The following FNDC3B variants were observed in gnomAD, a reference collection of about 807,000 sequenced individuals.
FNDC3B encodes the protein fibronectin type III domain containing 3B.
Under a neutral mutation model 151.5 loss-of-function variants are expected in FNDC3B, and 12 were observed. That is an observed-to-expected ratio of 0.08 (90% confidence interval 0.05 to 0.13). The LOEUF is 0.13. Among genes scored for constraint, FNDC3B ranks in the 10% least tolerant of loss-of-function variants. The pLI, the probability that FNDC3B is intolerant of heterozygous loss-of-function variation, is 1.00. For missense variants in FNDC3B, 1,214 were observed against 1,505.3 expected (o/e 0.81, Z 3.20); for synonymous variants, 528 against 549.0 (o/e 0.96, Z 0.54).
chr3:172,042,418 G>C (rs1499812), intron 1 of FNDC3B, among the ~76,000 whole-genome samples: 103,229 of 152,002 alleles, frequency 0.68, 35,221 homozygotes, highest in East Asian at 0.82. Context: ...TAGGAGCTAA[G>C]TAGAAGAACT....
intron 6 of FNDC3B, among the ~76,000 whole-genome samples, chr3:172,267,391 A>C (rs544273308): frequency 6.6e-5 from 10 of 152,252 alleles, no homozygotes; most frequent in African/African-American, 2.4e-4. Context: ...CCTGAGCTCA[A>C]AGGGTCCTCC....
chr3:172,129,877 A>T (rs1720982931), intron 2 of FNDC3B, among the ~76,000 whole-genome samples: 1 of 152,102 alleles, frequency 6.6e-6, no homozygotes, highest in African/African-American at 2.4e-5. Context: ...GAAAAGTAGG[A>T]AATGCTTAGT....
chr3:172,282,680 CT>C (rs1729800758), intron 6 of FNDC3B, among the ~76,000 whole-genome samples: 1 of 152,192 alleles, frequency 6.6e-6, no homozygotes, highest in Non-Finnish European at 1.5e-5. Context: ...CCTCTGCTGC[CT>C]TCTCTTTCTC....
chr3:172,381,135 C>T, intron 25 of FNDC3B, 42 bp downstream of exon 25: 1 of 1,608,138 alleles, frequency 6.2e-7, no homozygotes, highest in Non-Finnish European at 8.5e-7. Context: ...CTGAGTATGG[C>T]TGGCTCCATG....
intron 22 of FNDC3B, 112 bp from the exon 23 acceptor site, chr3:172,362,521 A>T (rs909593492): frequency 6.1e-6 from 5 of 824,874 alleles, no homozygotes; most frequent in Non-Finnish European, 9.8e-6. Flanking sequence ...TCTTCATTCT[A>T]TGTTATTGCT....
chr3:172,130,983 A>G (rs1721062795), intron 2 of FNDC3B, among the ~76,000 whole-genome samples: 2 of 152,202 alleles, frequency 1.3e-5, no homozygotes, highest in Admixed American at 6.5e-5. Flanking sequence ...TTAAAAAGAC[A>G]TGGATAATTG....
chr3:172,368,145 A>G (rs2108351818), intron 23 of FNDC3B, among the ~76,000 whole-genome samples: 1 of 152,146 alleles, frequency 6.6e-6, no homozygotes, highest in East Asian at 1.9e-4. Flanking sequence ...GGAGGCACAC[A>G]CTAGGTCCCA....
At chr3:172,078,823 A>C (rs1718146075) in intron 1 of FNDC3B, among the ~76,000 whole-genome samples, 1 of 152,170 alleles carries the variant, frequency 6.6e-6, no homozygotes. Context: ...GAGAGGGGCA[A>C]TTCAGGTAAA....
chr3:172,164,697 A>C (rs1477185839), intron 3 of FNDC3B, among the ~76,000 whole-genome samples: 1 of 152,242 alleles, frequency 6.6e-6, no homozygotes, highest in Non-Finnish European at 1.5e-5. Flanking sequence ...CTATGAGAGC[A>C]AAGTTTCATA....
chr3:172,091,700 T>G (rs777358766), intron 1 of FNDC3B, among the ~76,000 whole-genome samples: 5 of 152,180 alleles, frequency 3.3e-5, no homozygotes, highest in Non-Finnish European at 7.3e-5. Context: ...CTGTTAAATA[T>G]GGTGCAAAAA....
chr3:172,209,581 G>A (rs145601920), intron 3 of FNDC3B, among the ~76,000 whole-genome samples: 82 of 152,230 alleles, frequency 5.4e-4, no homozygotes, highest in Non-Finnish European at 1.1e-3. Context: ...GTCCATGGGC[G>A]GCCACAGGCG....
At chr3:172,266,214 T>G (rs1358658584) in intron 6 of FNDC3B, among the ~76,000 whole-genome samples, 1 of 152,206 alleles carries the variant, frequency 6.6e-6, no homozygotes, top group Non-Finnish European at 1.5e-5. Flanking sequence ...TTTTCTTCAC[T>G]GTTTTTCTTT....
At chr3:172,376,436 A>G (rs561349474) in intron 23 of FNDC3B, among the ~76,000 whole-genome samples, 318 of 152,320 alleles carry the variant, frequency 2.1e-3, no homozygotes, top group Admixed American at 7.4e-3. Flanking sequence ...TCCTTTAAAA[A>G]CTGAGCTTTA....
chr3:172,336,852 G>C, intron 15 of FNDC3B, among the ~76,000 whole-genome samples: 1 of 150,744 alleles, frequency 6.6e-6, no homozygotes, highest in African/African-American at 2.4e-5. Context: ...GCCGTGAGCC[G>C]AGATGGCGCC....
At chr3:172,380,685 A>G (rs1013144621) in intron 24 of FNDC3B, among the ~76,000 whole-genome samples, 2 of 152,202 alleles carry the variant, frequency 1.3e-5, no homozygotes, top group Non-Finnish European at 2.9e-5. Context: ...AGGATACTCA[A>G]TTGCCATAGG....
At chr3:172,148,646 A>G (rs745430592) in intron 3 of FNDC3B, 3 of 152,170 alleles carry the variant, frequency 2.0e-5, no homozygotes, top group African/African-American at 4.8e-5. Flanking sequence ...GACAGAGACT[A>G]TTGTAGCAAT....
At chr3:172,282,249 C>A (rs1462271367) in intron 6 of FNDC3B, among the ~76,000 whole-genome samples, 1 of 152,128 alleles carries the variant, frequency 6.6e-6, no homozygotes, top group Non-Finnish European at 1.5e-5. Context: ...TTTTATTTAC[C>A]TTTTCCTTCT....
Position 172,070,460 on chromosome 3 carries a change from C to T in FNDC3B, c.-29+30689C>T, listed in dbSNP as rs567844065. ...AGATAAACAAGATCCAAAACCAGGT[C>T]GCATGAAAGGATCAACACTCCCCTG... On this transcript the variant is annotated intron_variant, in intron 1 of 25. Coordinates refer to ENST00000415807, the MANE Select transcript of FNDC3B (RefSeq NM_022763.4). Among the ~76,000 whole-genome samples, 8 of 152,236 alleles carry T rather than the reference C, an allele frequency of 5.3e-5. No individual in the cohort carries two copies. The East Asian group carries it at 5.8e-4, about 11-fold the overall frequency.
At chr3:172,238,679 C>T (rs1378101856) in intron 4 of FNDC3B, among the ~76,000 whole-genome samples, 1 of 152,146 alleles carries the variant, frequency 6.6e-6, no homozygotes, top group African/African-American at 2.4e-5. Flanking sequence ...GAAGAACAAG[C>T]TTGCCTTTCC....
Sources: gnomAD v4.1 joint callset for allele counts (sites outside exome capture counted in the v4.1 genomes callset) on GRCh38, gnomAD v4.1.1 for gene constraint, MANE v1.5 for transcripts, NCBI Gene and HGNC (gene_info 2026-07-23, HGNC 2026-07-21) for gene names.